Variants in KCNIP4 observed in about 807,000 individuals in gnomAD.
The protein encoded by KCNIP4 is potassium voltage-gated channel interacting protein 4, also known as Kv channel-interacting protein 4.
In KCNIP4, 12 loss-of-function variants were observed where a neutral mutation model predicts 34.0. The observed-to-expected ratio is 0.35, with a 90% CI of 0.23 to 0.57. KCNIP4 has a LOEUF of 0.57. KCNIP4 is among the 20% of genes least tolerant of loss of function. The probability of loss-of-function intolerance (pLI) is 0.83; values close to 1 mark genes in which losing one functional copy is unlikely to be tolerated. For missense variants in KCNIP4, 238 were observed against 311.7 expected, an observed-to-expected ratio of 0.76 and a Z score of 1.78; for synonymous variants, 124 against 102.2, an observed-to-expected ratio of 1.21 and a Z score of -1.29.
At chr4:21,833,112 G>A (rs1207402000) in intron 1 of KCNIP4, among the ~76,000 whole-genome samples, 3 of 151,170 alleles carry the variant, frequency 2.0e-5, no homozygotes, top group East Asian at 2.0e-4. Flanking sequence ...ACCTAGTAAT[G>A]GGATGGCTGG....
chr4:21,262,412 C>T lies in KCNIP4; in HGVS notation c.62-379703G>A, dbSNP rs149379622. On this transcript the variant is annotated intron_variant, in intron 1 of 8. Transcript: ENST00000382152. ...ATGCCTTTGACTGTACATGGAGAGC[C>T]TGAAGTGGCTGTGGATTTGTATCCC... 6.8e-3 allele frequency among the ~76,000 whole-genome samples: 1,032 copies of T among 152,278 alleles called. 3 individuals carry two copies. Among genetic ancestry groups the T allele is most frequent in the Non-Finnish European group, 9.7e-3 (661 of 68,024 alleles).
At chr4:21,685,385 T>C (rs1165887614) in intron 1 of KCNIP4, among the ~76,000 whole-genome samples, 1 of 152,100 alleles carries the variant, frequency 6.6e-6, no homozygotes, top group East Asian at 1.9e-4. Context: ...ACTGATATCA[T>C]GGGGGGAATA....
intron 1 of KCNIP4, among the ~76,000 whole-genome samples, chr4:21,191,294 C>T (rs139050859): frequency 6.6e-6 from 1 of 152,238 alleles, no homozygotes; most frequent in Admixed American, 6.5e-5. Context: ...TGTTAAAATG[C>T]GTGATAGGGC....
intron 1 of KCNIP4, among the ~76,000 whole-genome samples, chr4:21,182,762 A>G (rs903323076): frequency 1.3e-5 from 2 of 152,030 alleles, no homozygotes. Context: ...TTGTTAAAAT[A>G]GTATATATAG....
intron 3 of KCNIP4, among the ~76,000 whole-genome samples, chr4:20,848,535 T>C (rs1212427759): frequency 6.6e-6 from 1 of 152,094 alleles, no homozygotes; most frequent in African/African-American, 2.4e-5. Context: ...ATGCAGACTT[T>C]GGAGCCTAGC....
At chr4:21,890,688 A>G (rs1343279385) in intron 1 of KCNIP4, among the ~76,000 whole-genome samples, 1 of 152,110 alleles carries the variant, frequency 6.6e-6, no homozygotes, top group Non-Finnish European at 1.5e-5. Context: ...CATCATGTCT[A>G]TTATATTATT....
At chr4:21,352,508 G>A (rs1383660249) in intron 1 of KCNIP4, among the ~76,000 whole-genome samples, 3 of 152,192 alleles carry the variant, frequency 2.0e-5, no homozygotes, top group Non-Finnish European at 4.4e-5. Context: ...CCATGACCAC[G>A]TAGCCTTGCT....
intron 1 of KCNIP4, among the ~76,000 whole-genome samples, chr4:21,482,387 A>G (rs945740664): frequency 3.1e-4 from 47 of 152,202 alleles, no homozygotes; most frequent in Middle Eastern, 3.4e-3. Flanking sequence ...TCGTTAGTTG[A>G]TGCAGTTTCT....
At chr4:21,421,124 G>C (rs1213624220) in intron 1 of KCNIP4, among the ~76,000 whole-genome samples, 2 of 152,134 alleles carry the variant, frequency 1.3e-5, no homozygotes, top group East Asian at 3.9e-4. Flanking sequence ...TTATCAAAAA[G>C]AGAAAAGATA....
chr4:21,653,621 TAGAGTCCAGC>T (rs1747683888), intron 1 of KCNIP4, among the ~76,000 whole-genome samples: 1 of 152,242 alleles, frequency 6.6e-6, no homozygotes, highest in Admixed American at 6.5e-5. Context: ...TTATGAATTT[TAGAGTCCAGC>T]AGCATTAACA....
intron 1 of KCNIP4, among the ~76,000 whole-genome samples, chr4:21,619,754 G>A (rs1041734854): frequency 2.6e-5 from 4 of 152,150 alleles, no homozygotes; most frequent in Non-Finnish European, 4.4e-5. Flanking sequence ...CTGGTATGAC[G>A]GATACTAAAA....
chr4:21,889,909 C>T (rs1726994970), intron 1 of KCNIP4, among the ~76,000 whole-genome samples: 1 of 152,094 alleles, frequency 6.6e-6, no homozygotes, highest in Non-Finnish European at 1.5e-5. Flanking sequence ...TGTATATTTG[C>T]TCACCCTTAG....
chr4:21,230,761 C>T (rs1370516442), intron 1 of KCNIP4, among the ~76,000 whole-genome samples: 1 of 152,140 alleles, frequency 6.6e-6, no homozygotes, highest in Non-Finnish European at 1.5e-5. Flanking sequence ...CCCAGTCTAT[C>T]ATCTATGGAC....
chr4:20,921,202 G>A (rs1200836929), intron 1 of KCNIP4, among the ~76,000 whole-genome samples: 1 of 152,110 alleles, frequency 6.6e-6, no homozygotes, highest in Non-Finnish European at 1.5e-5. Flanking sequence ...AAACTGACAG[G>A]ATTGGAGATA....
At chr4:21,444,232 T>G (rs571486997) in intron 1 of KCNIP4, among the ~76,000 whole-genome samples, 2 of 152,218 alleles carry the variant, frequency 1.3e-5, no homozygotes, top group African/African-American at 4.8e-5. Context: ...CTGAAACTAT[T>G]CCAATCAATA....
At chr4:21,426,999 A>G (rs995685295) in intron 1 of KCNIP4, among the ~76,000 whole-genome samples, 2 of 151,998 alleles carry the variant, frequency 1.3e-5, no homozygotes, top group East Asian at 3.9e-4. Flanking sequence ...GTTCTCACAA[A>G]TGCACCCCAA....
chr4:21,029,480 T>C (rs1313494006), intron 1 of KCNIP4, among the ~76,000 whole-genome samples: 1 of 152,220 alleles, frequency 6.6e-6, no homozygotes, highest in Non-Finnish European at 1.5e-5. Flanking sequence ...TTCTAAGTTA[T>C]GGACTATTAA....
intron 1 of KCNIP4, among the ~76,000 whole-genome samples, chr4:21,933,791 A>T (rs1461516912): frequency 6.6e-6 from 1 of 152,142 alleles, no homozygotes; most frequent in Non-Finnish European, 1.5e-5. Context: ...TGGCAGAAAT[A>T]TGAGACTTAC....
chr4:21,853,468 T>C (rs1724542539), intron 1 of KCNIP4, among the ~76,000 whole-genome samples: 1 of 152,166 alleles, frequency 6.6e-6, no homozygotes, highest in South Asian at 2.1e-4. Context: ...AAACTGACTA[T>C]ATTATTTTTA....
Sources: gnomAD v4.1 joint callset for allele counts (sites outside exome capture counted in the v4.1 genomes callset) on GRCh38, gnomAD v4.1.1 for gene constraint, MANE v1.5 for transcripts, NCBI Gene and HGNC (gene_info 2026-07-23, HGNC 2026-07-21) for gene names.